A1CF: variants seen among roughly 807,000 people sequenced by gnomAD.
A1CF encodes the protein APOBEC1 complementation factor.
Under a neutral mutation model 68.9 loss-of-function variants are expected in A1CF, and 48 were observed. The observed-to-expected ratio is 0.70, with a 90% confidence interval of 0.55 to 0.89. The LOEUF (loss-of-function observed/expected upper bound fraction) is 0.89, where lower values mean the gene tolerates loss of function less well. Ranked by LOEUF, A1CF falls within the 40% of genes least tolerant of loss-of-function variation. A1CF has a pLI of 0.00. For synonymous variants in A1CF, 272 were observed against 260.4 expected (o/e 1.04, Z -0.43); for missense variants, 653 against 718.9 (o/e 0.91, Z 1.05).
chr10:50,860,292 G>C (rs1840683910), intron 2 of A1CF, among the ~76,000 whole-genome samples: 1 of 152,144 alleles, frequency 6.6e-6, no homozygotes, highest in Non-Finnish European at 1.5e-5. Flanking sequence ...AAACAGATCA[G>C]CTCACATCTA....
chr10:50,811,368 A>G (rs1838103736), intron 10 of A1CF, among the ~76,000 whole-genome samples, 192 bp from the exon 11 acceptor site: 1 of 152,238 alleles, frequency 6.6e-6, no homozygotes, highest in Non-Finnish European at 1.5e-5. Flanking sequence ...TAGGTCTATT[A>G]GTTCATAAAA....
At chr10:50,863,104 T>C (rs1279685728) in intron 2 of A1CF, 1 of 152,248 alleles carries the variant, frequency 6.6e-6, no homozygotes, top group Non-Finnish European at 1.5e-5. Context: ...CACTCTGAAG[T>C]TATTGAGAAA....
At chr10:50,861,254 A>C (rs1156479640) in intron 2 of A1CF, among the ~76,000 whole-genome samples, 1 of 151,364 alleles carries the variant, frequency 6.6e-6, no homozygotes, top group East Asian at 1.9e-4. Context: ...TAGTAATAGA[A>C]TATTACTAAC....
chr10:50,860,425 A>T (rs556551332), intron 2 of A1CF, among the ~76,000 whole-genome samples: 1 of 152,360 alleles, frequency 6.6e-6, no homozygotes, highest in South Asian at 2.1e-4. Context: ...GTCAGCTAAG[A>T]TAGTTATCTA....
At chr10:50,828,359 ATACC>A in intron 6 of A1CF, 64 bp from the exon 7 acceptor site, 1 of 1,323,114 alleles carries the variant, frequency 7.6e-7, no homozygotes, top group Non-Finnish European at 1.0e-6. Flanking sequence ...ATCTCAATTT[ATACC>A]AATGGTCTTT....
At chr10:50,869,737 G>T (rs148099524) in intron 1 of A1CF, among the ~76,000 whole-genome samples, 1 of 151,960 alleles carries the variant, frequency 6.6e-6, no homozygotes, top group Admixed American at 6.6e-5. Flanking sequence ...GAAAAGGCAG[G>T]TTACAAAACA....
intron 8 of A1CF, among the ~76,000 whole-genome samples, chr10:50,819,469 G>A (rs1257571797): frequency 6.6e-6 from 1 of 152,134 alleles, no homozygotes; most frequent in African/African-American, 2.4e-5. Context: ...CCCCTTTCAG[G>A]ATTTCTATTA....
At chr10:50,817,923 T>G (rs188767923) in intron 8 of A1CF, among the ~76,000 whole-genome samples, 7 of 152,300 alleles carry the variant, frequency 4.6e-5, no homozygotes, top group Admixed American at 4.6e-4. Context: ...CTTCATAGAC[T>G]TACAAAAAGA....
intron 8 of A1CF, among the ~76,000 whole-genome samples, chr10:50,817,084 T>A (rs1323083025): frequency 2.0e-5 from 3 of 152,174 alleles, no homozygotes; most frequent in African/African-American, 7.2e-5. Flanking sequence ...GCTCCAGATG[T>A]CAAAGATAAT....
At chr10:50,825,836 G>C (rs984177377) in intron 7 of A1CF, among the ~76,000 whole-genome samples, 43 of 152,186 alleles carry the variant, frequency 2.8e-4, no homozygotes, top group African/African-American at 1.0e-3. Context: ...TATGTCACAA[G>C]TGTATTCCAT....
chr10:50,830,745 T>C (rs1280266092), intron 6 of A1CF, among the ~76,000 whole-genome samples: 3 of 152,106 alleles, frequency 2.0e-5, no homozygotes, highest in Admixed American at 6.6e-5. Flanking sequence ...GTGATGTTTT[T>C]CACAGAAATA....
At chr10:50,830,914 A>T (rs1839207070) in intron 6 of A1CF, among the ~76,000 whole-genome samples, 1 of 152,196 alleles carries the variant, frequency 6.6e-6, no homozygotes, top group Non-Finnish European at 1.5e-5. Context: ...AAAAACAGAC[A>T]TTTAGGCCAA....
At chr10:50,807,501 A>C (rs561330420) in intron 12 of A1CF, among the ~76,000 whole-genome samples, 1 of 152,108 alleles carries the variant, frequency 6.6e-6, no homozygotes, top group Admixed American at 6.6e-5. Flanking sequence ...GCACCTTCTT[A>C]CCTCCCAAGC....
chr10:50,828,496 G>T (rs767234486), intron 6 of A1CF: 1 of 407,408 alleles, frequency 2.5e-6, no homozygotes, highest in African/African-American at 2.0e-5. Flanking sequence ...GTGACCGGTG[G>T]CTTGTTATAA....
intron 1 of A1CF, among the ~76,000 whole-genome samples, chr10:50,868,355 C>T (rs1024209587): frequency 1.3e-5 from 2 of 152,096 alleles, no homozygotes; most frequent in Admixed American, 6.5e-5. Flanking sequence ...TAATATCCAC[C>T]TTGGAAAAAT....
At chr10:50,816,337 G>A in intron 8 of A1CF, 58 bp from the exon 9 acceptor site, 1 of 1,559,704 alleles carries the variant, frequency 6.4e-7, no homozygotes, top group Non-Finnish European at 8.8e-7. Context: ...ACCAAGTGTG[G>A]CTGAGCCCTA....
intron 11 of A1CF, among the ~76,000 whole-genome samples, chr10:50,810,303 A>G (rs1838041520): frequency 6.6e-6 from 1 of 152,228 alleles, no homozygotes; most frequent in Non-Finnish European, 1.5e-5. Context: ...CACAAGTGAA[A>G]CAAATTGTTC....
chr10:50,843,863 T>C, intron 4 of A1CF, 125 bp downstream of exon 4: 1 of 1,181,914 alleles, frequency 8.5e-7, no homozygotes, highest in South Asian at 1.4e-5. Context: ...TTGTCTATAA[T>C]TGAGGAATGG....
At chr10:50,828,077 A>G (rs1380324398) in intron 7 of A1CF, 54 bp downstream of exon 7, 2 of 1,393,930 alleles carry the variant, frequency 1.4e-6, no homozygotes, top group African/African-American at 2.8e-5. Flanking sequence ...CCCTCCCAAG[A>G]CTAAACCAGG....
Sources: gnomAD v4.1 joint callset for allele counts (sites outside exome capture counted in the v4.1 genomes callset) on GRCh38, gnomAD v4.1.1 for gene constraint, MANE v1.5 for transcripts, NCBI Gene and HGNC (gene_info 2026-07-23, HGNC 2026-07-21) for gene names.